Variants in KIF26B observed in about 807,000 individuals in gnomAD.
The protein encoded by KIF26B is kinesin-like protein KIF26B.
In KIF26B, 63 loss-of-function variants were observed where a neutral mutation model predicts 151.2. The observed-to-expected ratio is 0.42, with a 90% CI of 0.34 to 0.51. KIF26B has a LOEUF of 0.51. Ranked by LOEUF, KIF26B falls within the 20% of genes least tolerant of loss-of-function variation. The pLI, the probability that KIF26B is intolerant of heterozygous loss-of-function variation, is 0.07. For synonymous variants in KIF26B, 1,357 were observed against 1,262.1 expected (o/e 1.08, Z -1.59); for missense variants, 2,813 against 2,913.6 (o/e 0.97, Z 0.79).
intron 2 of KIF26B, among the ~76,000 whole-genome samples, chr1:245,325,305 G>A (rs997435569): frequency 5.3e-5 from 8 of 152,212 alleles, no homozygotes; most frequent in African/African-American, 1.9e-4. Context: ...CACCTGCTAT[G>A]TGTGGCATTT....
chr1:245,403,228 C>T (rs1026062765), intron 3 of KIF26B, among the ~76,000 whole-genome samples: 1 of 152,162 alleles, frequency 6.6e-6, no homozygotes, highest in African/African-American at 2.4e-5. Flanking sequence ...CTGCCTCAGC[C>T]TCCCAAGTAG....
intron 2 of KIF26B, among the ~76,000 whole-genome samples, chr1:245,231,032 A>G (rs1252350916): frequency 6.6e-6 from 1 of 152,142 alleles, no homozygotes; most frequent in African/African-American, 2.4e-5. Context: ...CAAGATGTCC[A>G]TTCAGATTCT....
intron 5 of KIF26B, among the ~76,000 whole-genome samples, chr1:245,556,295 T>A (rs1454084756): frequency 6.8e-6 from 1 of 147,118 alleles, no homozygotes; most frequent in East Asian, 1.9e-4. Context: ...TCCTCCTCCT[T>A]CCTCCCTCCT....
At chr1:245,234,792 C>A (rs576267768) in intron 2 of KIF26B, among the ~76,000 whole-genome samples, 1 of 152,328 alleles carries the variant, frequency 6.6e-6, no homozygotes, top group Admixed American at 6.5e-5. Context: ...AGCGCCGTTT[C>A]CAGGCCTCGC....
chr1:245,181,421 T>C (rs188547443), intron 2 of KIF26B, among the ~76,000 whole-genome samples: 1 of 152,166 alleles, frequency 6.6e-6, no homozygotes, highest in Non-Finnish European at 1.5e-5. Flanking sequence ...ACAGAGGCTG[T>C]TGCCAATGCC....
chr1:245,286,065 G>C (rs1671160452), intron 2 of KIF26B, among the ~76,000 whole-genome samples: 1 of 151,242 alleles, frequency 6.6e-6, no homozygotes, highest in South Asian at 2.1e-4. Context: ...GCCAACTCAA[G>C]AGGTTCACTG....
At chr1:245,621,338 T>C (rs1380844395) in intron 9 of KIF26B, among the ~76,000 whole-genome samples, 2 of 152,184 alleles carry the variant, frequency 1.3e-5, no homozygotes, top group Non-Finnish European at 2.9e-5. Context: ...CTCAGTTTCC[T>C]TATATGTAAA....
At chr1:245,188,970 A>G (rs1473028849) in intron 2 of KIF26B, among the ~76,000 whole-genome samples, 2 of 152,252 alleles carry the variant, frequency 1.3e-5, no homozygotes, top group Admixed American at 6.5e-5. Context: ...CAAATGTTGT[A>G]TGGCTTTGCT....
intron 4 of KIF26B, among the ~76,000 whole-genome samples, chr1:245,499,655 A>G (rs146174903): frequency 2.0e-5 from 3 of 152,368 alleles, no homozygotes; most frequent in African/African-American, 7.2e-5. Flanking sequence ...TGAGGGGGAC[A>G]GAGAGGCAAA....
At chr1:245,513,996 A>C (rs1232040569) in intron 4 of KIF26B, among the ~76,000 whole-genome samples, 1 of 152,088 alleles carries the variant, frequency 6.6e-6, no homozygotes, top group African/African-American at 2.4e-5. Context: ...TCATCTTCCC[A>C]CTTCTTCCAC....
intron 2 of KIF26B, among the ~76,000 whole-genome samples, chr1:245,321,445 C>T (rs149604440): frequency 2.0e-5 from 3 of 152,312 alleles, no homozygotes; most frequent in Admixed American, 6.5e-5. Context: ...AATAGATTCA[C>T]CTCATGGTAG....
chr1:245,220,868 T>A (rs1353654031), intron 2 of KIF26B, among the ~76,000 whole-genome samples: 7 of 151,984 alleles, frequency 4.6e-5, no homozygotes, highest in Admixed American at 2.6e-4. Context: ...CCACGGGTAA[T>A]GAATTTCACA....
At chr1:245,205,714 C>T (rs75326950) in intron 2 of KIF26B, among the ~76,000 whole-genome samples, 1 of 140,188 alleles carries the variant, frequency 7.1e-6, no homozygotes, top group Non-Finnish European at 1.5e-5. Flanking sequence ...CTTTTCTTTT[C>T]TTTTTTTTTT....
chr1:245,175,977 T>TAA (rs1668799877), intron 2 of KIF26B, among the ~76,000 whole-genome samples: 1 of 147,936 alleles, frequency 6.8e-6, no homozygotes. Flanking sequence ...TATAGACATC[T>TAA]ATATATATAG....
At chr1:245,325,966 C>T (rs1439401092) in intron 2 of KIF26B, among the ~76,000 whole-genome samples, 1 of 151,992 alleles carries the variant, frequency 6.6e-6, no homozygotes, top group Non-Finnish European at 1.5e-5. Flanking sequence ...GGAGAGAATA[C>T]GAGGGAGACA....
At chr1:245,699,108 C>G in intron 14 of KIF26B, 71 bp downstream of exon 14, 1 of 1,482,936 alleles carries the variant, frequency 6.7e-7, no homozygotes, top group Non-Finnish European at 9.3e-7. Flanking sequence ...GCGTGTAGCC[C>G]AGGGTGACAG....
At chr1:245,205,984 CA>C (rs1430571339) in intron 2 of KIF26B, among the ~76,000 whole-genome samples, 1 of 151,910 alleles carries the variant, frequency 6.6e-6, no homozygotes, top group Non-Finnish European at 1.5e-5. Context: ...GCAATCCTCC[CA>C]CCTCACCCTC....
intron 14 of KIF26B, among the ~76,000 whole-genome samples, chr1:245,700,678 CTGCT>C (rs2044758447): frequency 6.6e-6 from 1 of 152,204 alleles, no homozygotes; most frequent in African/African-American, 2.4e-5. Flanking sequence ...TCCTTCGTGT[CTGCT>C]TGCATGATGC....
chr1:245,406,614 GC>G (rs1254038885), intron 3 of KIF26B, among the ~76,000 whole-genome samples: 2 of 152,236 alleles, frequency 1.3e-5, no homozygotes, highest in East Asian at 3.9e-4. Context: ...ATTAAATGCT[GC>G]AGCAGTTCCA....
Sources: gnomAD v4.1 joint callset for allele counts (sites outside exome capture counted in the v4.1 genomes callset) on GRCh38, gnomAD v4.1.1 for gene constraint, MANE v1.5 for transcripts, NCBI Gene and HGNC (gene_info 2026-07-23, HGNC 2026-07-21) for gene names.